ALDOB: variants seen among roughly 807,000 people sequenced by gnomAD.
The protein encoded by ALDOB is aldolase, fructose-bisphosphate B, also known as fructose-bisphosphate aldolase B.
Under a neutral mutation model 41.0 loss-of-function variants are expected in ALDOB, and 39 were observed. The ratio of observed to expected loss-of-function variants is 0.95; its 90% CI spans 0.74 to 1.24. The LOEUF (loss-of-function observed/expected upper bound fraction) is 1.24. ALDOB is among the 50% of genes most tolerant of loss of function. The pLI is 0.00. For missense variants in ALDOB, 530 were observed against 457.3 expected (o/e 1.16, Z -1.45); for synonymous variants, 175 against 168.8 (o/e 1.04, Z -0.28).
At chr9:101,427,826 A>T (rs1377353444) in intron 4 of ALDOB, among the ~76,000 whole-genome samples, 184 bp from the exon 5 acceptor site, 4 of 152,164 alleles carry the variant, frequency 2.6e-5, no homozygotes, top group Admixed American at 2.6e-4. Context: ...TTTAATAAAT[A>T]GTGTTTTGAC....
chr9:101,428,594 A>G (rs1831166157), intron 3 of ALDOB, 71 bp from the exon 4 acceptor site: 5 of 1,274,376 alleles, frequency 3.9e-6, no homozygotes, highest in South Asian at 3.6e-5. Flanking sequence ...ACTAACTAAC[A>G]GTTTGCATCT....
intron 3 of ALDOB, 112 bp from the exon 4 acceptor site, chr9:101,428,635 T>G: frequency 1.1e-6 from 1 of 951,798 alleles, no homozygotes; most frequent in Non-Finnish European, 1.7e-6. Flanking sequence ...ATTAGTAAAG[T>G]GTATTAGTGC....
chr9:101,434,795 A>G (rs1046167021), intron 1 of ALDOB, among the ~76,000 whole-genome samples: 1 of 152,124 alleles, frequency 6.6e-6, no homozygotes, highest in Non-Finnish European at 1.5e-5. Context: ...ACATTTCCCC[A>G]TTCCCTGCCC....
Position 101,428,502 on chromosome 9 carries a change from G to A in ALDOB, c.346C>T (p.Leu116Phe), listed in dbSNP as rs1399020736. ...GTGGTTTCTTTGTTTGTTCCTGCAAGAGGAGCACCTCCTTGGTCTAACTGT... is the reference window on the plus strand; with the variant it reads ...GTGGTTTCTTTGTTTGTTCCTGCAAAAGGAGCACCTCCTTGGTCTAACTGT... Reference protein sequence around the residue: ...GIKLDQGGAPLAGTNKETTIQ... With the variant: ...GIKLDQGGAPFAGTNKETTIQ... The change falls in exon 4 of 9, where the codon CTT becomes TTT. Residue 116 changes from leucine (L) to phenylalanine (F), a missense_variant. Physicochemically the swap from Leu to Phe is conservative, Grantham distance 22 (BLOSUM62 0). Coordinates refer to ENST00000647789, the MANE Select transcript of ALDOB (RefSeq NM_000035.4). 12 of 1,613,904 alleles carry A rather than the reference G, an allele frequency of 7.4e-6. No individual in the cohort carries two copies. Among genetic ancestry groups the A allele is most frequent in the Non-Finnish European group, 1.0e-5 (12 of 1,179,892 alleles).
chr9:101,432,152 A>G (rs1831228842), intron 1 of ALDOB, among the ~76,000 whole-genome samples: 1 of 152,218 alleles, frequency 6.6e-6, no homozygotes, highest in African/African-American at 2.4e-5. Context: ...TGATATAAAA[A>G]GTCAGTAGCC....
intron 6 of ALDOB, among the ~76,000 whole-genome samples, chr9:101,425,861 C>A (rs925888107): frequency 1.3e-5 from 2 of 152,202 alleles, no homozygotes; most frequent in African/African-American, 4.8e-5. Flanking sequence ...TCATTCACTG[C>A]ATGAATGACA....
intron 6 of ALDOB, 32 bp downstream of exon 6, chr9:101,426,523 C>T (rs775873941): frequency 7.1e-7 from 1 of 1,406,222 alleles, no homozygotes; most frequent in East Asian, 2.3e-5. Flanking sequence ...GATTTTTCAA[C>T]TAGAATTGGG....
Position 101,429,772 on chromosome 9 carries a change from T to A in ALDOB, c.307A>T (p.Ile103Phe). 6.2e-7 allele frequency: 1 copy of A among 1,614,136 alleles called. No individual in the cohort carries two copies. Among genetic ancestry groups the A allele is most frequent in the Non-Finnish European group, 8.5e-7 (1 of 1,180,022 alleles). The change falls in exon 3 of 9, where the codon ATC becomes TTC. Residue 103 changes from isoleucine (I) to phenylalanine (F), a missense_variant. Physicochemically the swap from Ile to Phe is conservative, Grantham distance 21 (BLOSUM62 0). Coordinates refer to ENST00000647789, the MANE Select transcript of ALDOB (RefSeq NM_000035.4). The part of the protein sequence containing the change: ...LFRNILKEKG[I>F]VVGIKLDQGG... ...GTGTTCACCTTGATTCCCACCACGA[T>A]CCCCTTTTCCTTGAGGATGTTTCTG...
chr9:101,426,514 A>AT (rs1831131074), intron 6 of ALDOB, 41 bp downstream of exon 6: 1 of 1,336,898 alleles, frequency 7.5e-7, no homozygotes, highest in African/African-American at 1.4e-5. Flanking sequence ...TAAAACTAAG[A>AT]TTTTTCAACT....
intron 1 of ALDOB, among the ~76,000 whole-genome samples, chr9:101,431,301 C>T (rs1409743281): frequency 6.6e-6 from 1 of 152,206 alleles, no homozygotes; most frequent in Non-Finnish European, 1.5e-5. Flanking sequence ...CAATGTCGCT[C>T]TTGACCTCTG....
At chr9:101,425,175 GAA>G in intron 7 of ALDOB, 133 bp from the exon 8 acceptor site, 1 of 1,097,134 alleles carries the variant, frequency 9.1e-7, no homozygotes, top group Non-Finnish European at 1.3e-6. Flanking sequence ...AGCAAACTGA[GAA>G]ATCAGTTTGC....
rs1831282233 is a variant in ALDOB at position 101,435,765 on chromosome 9, G to C, written c.-67C>G. 1 of 152,064 alleles carries C rather than the reference G, an allele frequency of 6.6e-6. No individual in the cohort carries two copies. Among genetic ancestry groups the C allele is most frequent in the Non-Finnish European group, 1.5e-5 (1 of 68,012 alleles). 9.4% of individuals were successfully genotyped at this position (152,064 alleles called of 1,614,324 possible). ...AAAAGCTGTGGGTGAGGCAGCAGCT[G>C]CCAAATAAGACAGATCTTTGGTAGC... On this transcript the variant is annotated 5_prime_UTR_variant, in exon 1 of 9. Coordinates refer to ENST00000647789, the MANE Select transcript of ALDOB (RefSeq NM_000035.4).
intron 5 of ALDOB, 129 bp downstream of exon 5, chr9:101,427,353 G>T: frequency 7.9e-7 from 1 of 1,265,366 alleles, no homozygotes; most frequent in Non-Finnish European, 1.1e-6. Flanking sequence ...CAAAAGTTGT[G>T]AAAAATGCCA....
chr9:101,422,540 C>T lies in ALDOB; in HGVS notation c.1000-636G>A, dbSNP rs140775562. On this transcript the variant is annotated intron_variant, in intron 8 of 8. Coordinates refer to ENST00000647789, the MANE Select transcript of ALDOB (RefSeq NM_000035.4). ...ATGTTAAAAATAGAAATTCCCTGGC[C>T]TTACCCCTGACCTACTGAATTAGAA... 4.6e-4 allele frequency among the ~76,000 whole-genome samples: 70 copies of T among 152,330 alleles called. No homozygotes were observed. The East Asian group carries it at 0.011, about 24-fold the overall frequency.
intron 1 of ALDOB, among the ~76,000 whole-genome samples, chr9:101,432,679 G>A (rs1369285849): frequency 3.3e-5 from 5 of 152,158 alleles, no homozygotes; most frequent in South Asian, 2.1e-4. Context: ...AGGTGGTTGG[G>A]CTCTTTTCCC....
At chr9:101,432,456 G>A (rs1831232577) in intron 1 of ALDOB, among the ~76,000 whole-genome samples, 1 of 152,182 alleles carries the variant, frequency 6.6e-6, no homozygotes. Flanking sequence ...CAACCTGGGT[G>A]TGATCTTCAG....
rs1298249660 is a variant in ALDOB at position 101,420,782 on chromosome 9, T to C, written c.*1027A>G. The C allele has an allele frequency of 6.6e-6, 1 of 152,234 alleles. No homozygotes were observed. The highest frequency in any genetic ancestry group is 1.5e-5 in the Non-Finnish European group (1 of 68,048). 9.4% of individuals were successfully genotyped at this position (152,234 alleles called of 1,614,324 possible). ...ACTTTTATATTGTCCAAAGTTATAA[T>C]ATTTAAATTCTCTTTTATAACTCTG... On this transcript the variant is annotated 3_prime_UTR_variant, in exon 9 of 9. Coordinates refer to ENST00000647789, the MANE Select transcript of ALDOB (RefSeq NM_000035.4).
chr9:101,426,155 C>T, intron 6 of ALDOB, among the ~76,000 whole-genome samples: 1 of 152,234 alleles, frequency 6.6e-6, no homozygotes, highest in East Asian at 1.9e-4. Context: ...ATAGAACCAC[C>T]CTCTTTCAGA....
intron 7 of ALDOB, 132 bp from the exon 8 acceptor site, chr9:101,425,174 AGAAATCAG>A: frequency 9.0e-7 from 1 of 1,115,028 alleles, no homozygotes; most frequent in Admixed American, 2.0e-5. Context: ...AAGCAAACTG[AGAAATCAG>A]TTTGCTTTTG....
Sources: gnomAD v4.1 joint callset for allele counts (sites outside exome capture counted in the v4.1 genomes callset) on GRCh38, gnomAD v4.1.1 for gene constraint, MANE v1.5 for transcripts, NCBI Gene and HGNC (gene_info 2026-07-23, HGNC 2026-07-21) for gene names.